Variants in SHANK2 observed in about 807,000 individuals in gnomAD.
SHANK2 encodes SH3 and multiple ankyrin repeat domains protein 2.
Under a neutral mutation model 133.7 loss-of-function variants are expected in SHANK2, and 43 were observed. The observed-to-expected ratio is 0.32, with a 90% CI of 0.25 to 0.41. The LOEUF is 0.41. Among genes scored for constraint, SHANK2 ranks in the 10% least tolerant of loss-of-function variants. The probability of loss-of-function intolerance (pLI) is 1.00; values close to 1 mark genes in which losing one functional copy is unlikely to be tolerated. For missense variants in SHANK2, 1,994 were observed against 2,235.8 expected, an observed-to-expected ratio of 0.89 and a Z score of 2.18; for synonymous variants, 1,017 against 952.8, an observed-to-expected ratio of 1.07 and a Z score of -1.24.
intron 4 of SHANK2, among the ~76,000 whole-genome samples, chr11:71,115,006 C>A (rs1265412067): frequency 1.3e-5 from 2 of 152,150 alleles, no homozygotes; most frequent in African/African-American, 2.4e-5. Context: ...GGACCACAGA[C>A]CCTTTTTCTT....
chr11:70,799,602 G>A (rs937356831), intron 13 of SHANK2, among the ~76,000 whole-genome samples: 1 of 152,200 alleles, frequency 6.6e-6, no homozygotes, highest in African/African-American at 2.4e-5. Context: ...TATTCATTAC[G>A]TGGTTGCTGG....
At chr11:70,631,558 G>A (rs2060991423) in intron 17 of SHANK2, among the ~76,000 whole-genome samples, 1 of 152,196 alleles carries the variant, frequency 6.6e-6, no homozygotes, top group Non-Finnish European at 1.5e-5. Context: ...ACTGAGTGCT[G>A]GGCCAGGCAC....
At chr11:70,722,500 T>A (rs891325320) in intron 14 of SHANK2, among the ~76,000 whole-genome samples, 1 of 152,246 alleles carries the variant, frequency 6.6e-6, no homozygotes, top group Admixed American at 6.5e-5. Context: ...AATACCTACA[T>A]AGGCGATTGT....
chr11:70,565,033 G>C (rs1180669717), intron 17 of SHANK2, among the ~76,000 whole-genome samples: 1 of 152,154 alleles, frequency 6.6e-6, no homozygotes, highest in East Asian at 1.9e-4. Flanking sequence ...TTAATCCCCA[G>C]TCAATTTTGA....
At chr11:71,216,573 G>A (rs1429280787) in intron 2 of SHANK2, among the ~76,000 whole-genome samples, 2 of 152,176 alleles carry the variant, frequency 1.3e-5, no homozygotes, top group Non-Finnish European at 2.9e-5. Flanking sequence ...TTTGGGTGAT[G>A]ACTGCGCCAC....
rs566259872 is a variant in SHANK2 at position 71,147,205 on chromosome 11, G to A, written c.122C>T (p.Ala41Val). 3.0e-5 allele frequency: 47 copies of A among 1,550,742 alleles called. No homozygotes were observed. The highest frequency in any genetic ancestry group is 1.4e-4 in the South Asian group (12 of 84,042). Residue 41 changes from alanine (A) to valine (V), a missense_variant, in exon 3 of 26, where the codon GCG becomes GTG. This residue lies in a region of SHANK2 where 653 missense variants were observed against 563.4 expected (regional missense o/e 1.16). Coordinates refer to ENST00000601538, the MANE Select transcript of SHANK2 (RefSeq NM_012309.5). ...ETIYDTIRAT[A>V]EKPGGARTEE... ...CGTCCTGGCACCGCCCGGCTTCTCC[G>A]CAGTGGCCCGGATCGTGTCATAGAT...
intron 10 of SHANK2, among the ~76,000 whole-genome samples, chr11:70,930,522 T>C (rs1347099778): frequency 6.6e-6 from 1 of 152,180 alleles, no homozygotes; most frequent in Non-Finnish European, 1.5e-5. Flanking sequence ...GCACCTTCTC[T>C]GTTATCTCAC....
chr11:70,661,918 G>C, intron 15 of SHANK2: 2 of 1,008,898 alleles, frequency 2.0e-6, no homozygotes, highest in African/African-American at 1.6e-5. Context: ...AGGCAGAGCC[G>C]GAGCCAGCCG....
intron 17 of SHANK2, among the ~76,000 whole-genome samples, chr11:70,618,514 G>C (rs372394983): frequency 1.3e-5 from 2 of 152,174 alleles, no homozygotes; most frequent in East Asian, 1.9e-4. Flanking sequence ...ATGGCCCCTG[G>C]CTCTGCCCAC....
At chr11:70,798,623 G>A (rs754605815) in intron 13 of SHANK2, 67 bp from the exon 14 acceptor site, 3 of 707,492 alleles carry the variant, frequency 4.2e-6, no homozygotes, top group Middle Eastern at 2.3e-4. Flanking sequence ...TGAACAAGAC[G>A]AGTGGGGCTG....
At chr11:70,528,767 G>A (rs75207266) in intron 17 of SHANK2, among the ~76,000 whole-genome samples, 8,598 of 151,778 alleles carry the variant, frequency 0.057, 447 homozygotes, top group African/African-American at 0.14. Flanking sequence ...GATCACCTAC[G>A]CCAAGTGGGG....
chr11:70,713,633 G>A (rs1010762446), intron 14 of SHANK2, among the ~76,000 whole-genome samples: 16 of 152,218 alleles, frequency 1.1e-4, no homozygotes, highest in Admixed American at 4.6e-4. Context: ...GGAAGAGAAT[G>A]GGAGGGAGAT....
At chr11:71,097,530 C>T (rs370716212) in intron 6 of SHANK2, among the ~76,000 whole-genome samples, 2 of 152,220 alleles carry the variant, frequency 1.3e-5, no homozygotes, top group Non-Finnish European at 2.9e-5. Flanking sequence ...TCTCCCTCAA[C>T]GTGAACAACG....
At chr11:71,223,559 T>C (rs1214856991) in intron 2 of SHANK2, among the ~76,000 whole-genome samples, 1 of 152,212 alleles carries the variant, frequency 6.6e-6, no homozygotes, top group East Asian at 1.9e-4. Context: ...GAGAAAGTAC[T>C]TAGGTTATAT....
In SHANK2 at chr11:71,098,705, T is replaced by C. The variant is rs189800503; in HGVS notation, c.593-4017A>G. Among the ~76,000 whole-genome samples the C allele has an allele frequency of 4.5e-3, 685 of 152,190 alleles. 2 individuals carry two copies. The highest frequency in any genetic ancestry group is 0.016 in the African/African-American group (663 of 41,512). On this transcript the variant is annotated intron_variant, in intron 6 of 25. Transcript: ENST00000601538. ...CAACCAGAAAGTGAGTGCAACCACA[T>C]TGATAGAAATAAGCAAGGGATTCAC...
intron 14 of SHANK2, among the ~76,000 whole-genome samples, chr11:70,712,096 T>C (rs1444173662): frequency 6.6e-6 from 1 of 151,868 alleles, no homozygotes; most frequent in Non-Finnish European, 1.5e-5. Flanking sequence ...TCCTGGAGTG[T>C]GGGGGATCCA....
intron 17 of SHANK2, among the ~76,000 whole-genome samples, chr11:70,544,921 G>A (rs35444854): frequency 0.077 from 11,766 of 152,258 alleles, 625 homozygotes; most frequent in Non-Finnish European, 0.11. Flanking sequence ...ACACCGTCGC[G>A]GGACCACGTG....
intron 11 of SHANK2, among the ~76,000 whole-genome samples, chr11:70,846,825 G>C (rs897931736): frequency 2.0e-5 from 3 of 152,190 alleles, no homozygotes; most frequent in Admixed American, 6.5e-5. Context: ...ATGGGGGCTA[G>C]AACAGGACCA....
chr11:70,545,978 C>T (rs191830141), intron 17 of SHANK2, among the ~76,000 whole-genome samples: 1 of 152,170 alleles, frequency 6.6e-6, no homozygotes, highest in Non-Finnish European at 1.5e-5. Flanking sequence ...CACCTCTGAA[C>T]AGCCCACAGG....
Sources: allele counts gnomAD v4.1 joint callset (sites outside exome capture counted in the v4.1 genomes callset), GRCh38; gene constraint gnomAD v4.1.1; regional missense constraint gnomAD v4.1.1; transcripts MANE v1.5; gene names NCBI Gene and HGNC (gene_info 2026-07-23, HGNC 2026-07-21).